Variants in ARHGEF10L observed in about 807,000 individuals in gnomAD.
The protein encoded by ARHGEF10L is rho guanine nucleotide exchange factor 10-like protein.
Under a neutral mutation model 141.2 loss-of-function variants are expected in ARHGEF10L, and 69 were observed. The observed-to-expected ratio is 0.49, with a 90% confidence interval of 0.40 to 0.60. The LOEUF is 0.60. ARHGEF10L is among the 20% of genes least tolerant of loss of function. The pLI is 0.00. For missense variants in ARHGEF10L, 1,482 were observed against 1,734.3 expected, an observed-to-expected ratio of 0.85 and a Z score of 2.58; for synonymous variants, 711 against 718.5, an observed-to-expected ratio of 0.99 and a Z score of 0.17.
At chr1:17,566,400 G>A (rs1348295656) in intron 1 of ARHGEF10L, among the ~76,000 whole-genome samples, 2 of 152,228 alleles carry the variant, frequency 1.3e-5, no homozygotes, top group Non-Finnish European at 2.9e-5. Context: ...CTGTAAAGCT[G>A]TAACTATAAA....
chr1:17,515,113 A>G, the ARHGEF10L span, among the ~76,000 whole-genome samples: 2 of 152,084 alleles, frequency 1.3e-5, no homozygotes, highest in Non-Finnish European at 2.9e-5. Context: ...GAATCACATG[A>G]AATTGGTGGT....
At chr1:17,624,963 C>T (rs2060302718) in intron 13 of ARHGEF10L, among the ~76,000 whole-genome samples, 1 of 152,206 alleles carries the variant, frequency 6.6e-6, no homozygotes. Flanking sequence ...TCTCATGTGC[C>T]CAGCCTCTGC....
chr1:17,608,004 CTCAG>C (rs1280325591), intron 7 of ARHGEF10L, 27 bp downstream of exon 7: 1 of 1,324,614 alleles, frequency 7.5e-7, no homozygotes, highest in Non-Finnish European at 9.8e-7. Context: ...TGTCGCTCAC[CTCAG>C]TCAGGGCACG....
At chr1:17,635,673 C>T (rs543707587) in intron 18 of ARHGEF10L, among the ~76,000 whole-genome samples, 1 of 152,326 alleles carries the variant, frequency 6.6e-6, no homozygotes, top group African/African-American at 2.4e-5. Context: ...CCCTCCTGTG[C>T]TCTCGAGACC....
chr1:17,665,160 C>A (rs534293341), intron 26 of ARHGEF10L, among the ~76,000 whole-genome samples: 1 of 152,164 alleles, frequency 6.6e-6, no homozygotes, highest in South Asian at 2.1e-4. Context: ...CCATCCTGGG[C>A]GGGAGACTCA....
At chr1:17,524,141 T>C in the ARHGEF10L span, among the ~76,000 whole-genome samples, 1 of 151,908 alleles carries the variant, frequency 6.6e-6, no homozygotes, top group Non-Finnish European at 1.5e-5. Flanking sequence ...GGCATGGTGT[T>C]GTGCACCTGT....
At chr1:17,545,145 C>T (rs1451355554) in intron 1 of ARHGEF10L, among the ~76,000 whole-genome samples, 1 of 152,122 alleles carries the variant, frequency 6.6e-6, no homozygotes, top group Non-Finnish European at 1.5e-5. Flanking sequence ...TGTGCTACTG[C>T]ATATCTCAAC....
upstream of ARHGEF10L, among the ~76,000 whole-genome samples, chr1:17,539,094 C>T (rs1317341677): frequency 2.0e-5 from 3 of 152,336 alleles, no homozygotes; most frequent in East Asian, 5.8e-4. The surrounding 1 kb of genome is among the most constrained non-coding windows in gnomAD (Gnocchi z 6.0). Context: ...TCAGTTTTCT[C>T]CTAGGGAAAA....
chr1:17,530,793 T>C, the ARHGEF10L span, among the ~76,000 whole-genome samples: 1 of 151,918 alleles, frequency 6.6e-6, no homozygotes, highest in African/African-American at 2.4e-5. Context: ...GGTGGGTGGA[T>C]CACTTGAGGT....
chr1:17,641,099 T>G (rs982060668), intron 21 of ARHGEF10L, among the ~76,000 whole-genome samples: 1 of 152,314 alleles, frequency 6.6e-6, no homozygotes, highest in African/African-American at 2.4e-5. Context: ...CCATCCATTC[T>G]GCTTCCTTGG....
Position 17,627,640 on chromosome 1 carries a change from T to A in ARHGEF10L, c.1584+137T>A. On this transcript the variant is annotated intron_variant, in intron 15 of 28. Transcript: ENST00000361221. This position sits in a 1 kb window ranked among gnomAD's most constrained non-coding sequence, Gnocchi z 4.0. ...GGGAGGCCTTGCTCTTCCAAGGATG[T>A]GACCTTGGGGATTGGATCCTCAGCG... The A allele has an allele frequency of 9.3e-7, 1 of 1,079,794 alleles. No individual in the cohort carries two copies. The highest frequency in any genetic ancestry group is 1.3e-6 in the Non-Finnish European group (1 of 765,768). The allele number at this position is 1,079,794 out of a possible 1,614,324, so 66.9% of individuals were successfully genotyped here. A position where few individuals can be genotyped will look rare whatever the true frequency, so the allele number is the denominator to read the frequency against.
intron 2 of ARHGEF10L, among the ~76,000 whole-genome samples, chr1:17,586,365 A>G (rs932125264): frequency 3.3e-5 from 5 of 152,210 alleles, no homozygotes; most frequent in Admixed American, 3.3e-4. Flanking sequence ...GCTGTGTGTC[A>G]TGTGCCCACG....
chr1:17,695,430 C>T (rs2065426762), intron 28 of ARHGEF10L, 150 bp downstream of exon 28: 5 of 1,172,634 alleles, frequency 4.3e-6, no homozygotes, highest in Non-Finnish European at 5.8e-6. Context: ...GCATGGTGGC[C>T]AGTAGAACTG....
At chr1:17,535,474 G>T (rs2076562078), upstream of ARHGEF10L, among the ~76,000 whole-genome samples, 1 of 152,216 alleles carries the variant, frequency 6.6e-6, no homozygotes, top group Admixed American at 6.5e-5. Flanking sequence ...GGGCCAGACT[G>T]GGAGGCAGCG....
chr1:17,603,542 T>C lies in ARHGEF10L; in HGVS notation c.384T>C (p.Asp128=). The part of the protein sequence containing the change: ...DRFTFPALEE[D]VIYDDVPCES... ...TCACTTTCCCCGCCCTGGAAGAGGA[T>C]GTGATTTATGACGACGTCCCCTGCG... The change falls in exon 6 of 29, where the codon GAT becomes GAC. Residue 128 remains aspartate, a synonymous_variant. Transcript: ENST00000361221. The surrounding 1 kb of genome is among the most constrained non-coding windows in gnomAD (Gnocchi z 4.8). The C allele has an allele frequency of 6.2e-7, 1 of 1,613,686 alleles. No individual in the cohort carries two copies. Among genetic ancestry groups the C allele is most frequent in the South Asian group, 1.1e-5 (1 of 90,958 alleles).
chr1:17,685,033 C>G (rs1342123196), intron 26 of ARHGEF10L, among the ~76,000 whole-genome samples: 2 of 152,300 alleles, frequency 1.3e-5, no homozygotes, highest in South Asian at 4.1e-4. Flanking sequence ...ACCCCCGCCC[C>G]TCACAAGCTT....
chr1:17,635,982 G>A (rs747003961), intron 18 of ARHGEF10L, among the ~76,000 whole-genome samples: 5 of 152,254 alleles, frequency 3.3e-5, no homozygotes, highest in African/African-American at 9.6e-5. Flanking sequence ...TACTCTTGCC[G>A]TCTGGGTGCT....
intron 1 of ARHGEF10L, among the ~76,000 whole-genome samples, chr1:17,550,531 T>C (rs1486171758): frequency 2.0e-5 from 3 of 151,882 alleles, no homozygotes; most frequent in Non-Finnish European, 4.4e-5. Flanking sequence ...TAATCCCAGC[T>C]ACTCAGGGGC....
rs182243596 is a variant in ARHGEF10L, at chr1:17,624,219, G to T, written c.1201-168G>T. ...CTCTGAGCTCCATGTCCACACCCCAGTGGGGGTGATGGATTTGCACAGCTC... is the reference window on the plus strand; with the variant it reads ...CTCTGAGCTCCATGTCCACACCCCATTGGGGGTGATGGATTTGCACAGCTC... On this transcript the variant is annotated intron_variant, in intron 12 of 28. Coordinates refer to ENST00000361221, the MANE Select transcript of ARHGEF10L (RefSeq NM_018125.4). Among the ~76,000 whole-genome samples, 57 of 152,336 alleles carry T rather than the reference G, an allele frequency of 3.7e-4. 1 individual carries two copies. Among genetic ancestry groups the T allele is most frequent in the Admixed American group, 3.1e-3 (48 of 15,310 alleles).
Sources: allele counts gnomAD v4.1 joint callset (sites outside exome capture counted in the v4.1 genomes callset), GRCh38; gene constraint gnomAD v4.1.1; non-coding constraint Gnocchi (gnomAD v3.1); transcripts MANE v1.5; gene names NCBI Gene and HGNC (gene_info 2026-07-23, HGNC 2026-07-21).